The following DMD variants were observed in gnomAD, a reference collection of about 807,000 sequenced individuals.
The protein encoded by DMD is dystrophin.
In DMD, 63 loss-of-function variants were observed where a neutral mutation model predicts 330.1. The ratio of observed to expected loss-of-function variants is 0.19; its 90% confidence interval spans 0.16 to 0.24. The LOEUF is 0.24. Ranked by LOEUF, DMD falls within the 10% of genes least tolerant of loss-of-function variation. The pLI is 1.00. For synonymous variants in DMD, 1,223 were observed against 959.8 expected, an observed-to-expected ratio of 1.27 and a Z score of -5.07; for missense variants, 3,344 against 2,684.1, an observed-to-expected ratio of 1.25 and a Z score of -5.43.
intron 63 of DMD, among the ~76,000 whole-genome samples, chrX:31,259,440 G>A (rs768823488): frequency 1.8e-5 from 2 of 111,690 alleles, no homozygotes; most frequent in Non-Finnish European, 3.8e-5. Flanking sequence ...AAGCATTCAC[G>A]TTTTCCACCT....
chrX:32,342,959 A>G (rs1387163597), intron 40 of DMD, 175 bp downstream of exon 40: 2 of 520,182 alleles, frequency 3.8e-6, no homozygotes, highest in Non-Finnish European at 6.6e-6. Flanking sequence ...CATTACGTCA[A>G]TTGAATAACA....
At chrX:32,667,324 CTT>C (rs1158417145) in intron 9 of DMD, among the ~76,000 whole-genome samples, 4 of 111,548 alleles carry the variant, frequency 3.6e-5, no homozygotes, top group African/African-American at 9.8e-5. Flanking sequence ...GGAACTCACA[CTT>C]TTGTGTGATT....
At chrX:33,197,678 A>C (rs1268966427) in intron 1 of DMD, among the ~76,000 whole-genome samples, 1 of 112,162 alleles carries the variant, frequency 8.9e-6, no homozygotes, top group Non-Finnish European at 1.9e-5. Flanking sequence ...GTTATATACA[A>C]GAAATAACAC....
At position 31,329,925 on chromosome X, in the gene DMD, C is replaced by T. The variant is rs1192161224; in HGVS notation, c.9164-6267G>A. ...GGTGGAGGTTGCAGTCAGCTGAGAT[C>T]GTGCCACTGCACTCCAGCCTGGCGA... On this transcript the variant is annotated intron_variant, in intron 61 of 78. Transcript: ENST00000357033. Among the ~76,000 whole-genome samples the T allele has an allele frequency of 8.0e-5, 7 of 87,484 alleles. No homozygotes were observed. The East Asian group carries it at 2.0e-3, about 25-fold the overall frequency. 76.0% of individuals were successfully genotyped at this position (87,484 alleles called of 115,157 possible).
At chrX:32,465,226 A>C (rs2098397394) in intron 23 of DMD, among the ~76,000 whole-genome samples, 1 of 112,091 alleles carries the variant, frequency 8.9e-6, no homozygotes, top group Non-Finnish European at 1.9e-5. Flanking sequence ...GACCAGTACG[A>C]AGTAATGATC....
At chrX:33,062,475 A>T (rs763125311) in intron 1 of DMD, among the ~76,000 whole-genome samples, 1 of 111,600 alleles carries the variant, frequency 9.0e-6, no homozygotes, top group South Asian at 3.7e-4. Context: ...GTTTTTATTT[A>T]TTTATCTATT....
chrX:32,268,150 T>C (rs1436506586), intron 43 of DMD, among the ~76,000 whole-genome samples: 1 of 110,287 alleles, frequency 9.1e-6, no homozygotes, highest in Non-Finnish European at 1.9e-5. Context: ...CTTGCTAGGG[T>C]AATAATGCCC....
intron 13 of DMD, among the ~76,000 whole-genome samples, chrX:32,576,359 C>A (rs1011046910): frequency 9.0e-6 from 1 of 110,969 alleles, no homozygotes; most frequent in Admixed American, 9.7e-5. Context: ...TAAAGAAAAC[C>A]CTTCACAGTT....
At chrX:32,454,540 A>G in intron 26 of DMD, 122 bp downstream of exon 26, 4 of 541,908 alleles carry the variant, frequency 7.4e-6, no homozygotes, top group Non-Finnish European at 1.1e-5. Context: ...TTAATTAAAA[A>G]TCAACCTCTT....
At chrX:32,731,898 C>G (rs1197102845) in intron 7 of DMD, among the ~76,000 whole-genome samples, 2 of 112,202 alleles carry the variant, frequency 1.8e-5, no homozygotes, top group Non-Finnish European at 3.8e-5. Context: ...AGCAACGGAA[C>G]AAAGCTGGAG....
At chrX:32,562,969 C>A (rs1295702817) in intron 16 of DMD, among the ~76,000 whole-genome samples, 1 of 111,598 alleles carries the variant, frequency 9.0e-6, no homozygotes, top group Non-Finnish European at 1.9e-5. Context: ...TTCTGGAAAA[C>A]AACTTACATG....
At chrX:32,325,023 T>TTATA (rs1182969615) in intron 41 of DMD, among the ~76,000 whole-genome samples, 2 of 111,527 alleles carry the variant, frequency 1.8e-5, no homozygotes, top group Non-Finnish European at 3.8e-5. Context: ...TCTATATACA[T>TTATA]TACCTGGGAA....
intron 2 of DMD, among the ~76,000 whole-genome samples, chrX:32,870,972 A>G (rs545611812): frequency 0.39 from 34,566 of 88,563 alleles, 6,217 homozygotes; most frequent in Admixed American, 0.46. Context: ...AAAAAAAAAA[A>G]AAAAAAAAAA....
intron 44 of DMD, among the ~76,000 whole-genome samples, chrX:32,052,977 G>C (rs193243495): frequency 3.9e-4 from 43 of 111,209 alleles, no homozygotes; most frequent in Admixed American, 3.3e-3. Flanking sequence ...GGGAAGACTT[G>C]GGCAATAAAG....
rs768506415 is a variant in DMD at position 31,877,618 on chromosome X, T to A, written c.6913-2245A>T. ...TGAGATATTGTTCTCTTTGCTTGAT[T>A]TGTGTTTTGTGAGTTCACATCCATA... On this transcript the variant is annotated intron_variant, in intron 47 of 78. Coordinates refer to ENST00000357033, the MANE Select transcript of DMD (RefSeq NM_004006.3). Among the ~76,000 whole-genome samples the A allele has an allele frequency of 6.4e-4, 71 of 111,051 alleles. 1 individual carries two copies. The highest frequency in any genetic ancestry group is 2.2e-3 in the African/African-American group (66 of 30,555).
intron 44 of DMD, among the ~76,000 whole-genome samples, chrX:32,005,870 T>C (rs1263255041): frequency 9.0e-6 from 1 of 111,593 alleles, no homozygotes; most frequent in African/African-American, 3.3e-5. Context: ...GATACCCATA[T>C]ACATGGTACT....
chrX:31,591,474 T>C (rs2076867288), intron 55 of DMD, among the ~76,000 whole-genome samples: 2 of 111,631 alleles, frequency 1.8e-5, no homozygotes, highest in Admixed American at 9.5e-5. Context: ...AAATCTACTA[T>C]AGTGTAATAT....
intron 16 of DMD, among the ~76,000 whole-genome samples, chrX:32,550,456 T>C (rs940269689): frequency 9.0e-6 from 1 of 111,244 alleles, no homozygotes; most frequent in African/African-American, 3.3e-5. Flanking sequence ...TTTAAAAAGA[T>C]GTAACATACC....
intron 48 of DMD, among the ~76,000 whole-genome samples, chrX:31,846,706 G>T (rs1426478245): frequency 9.0e-6 from 1 of 111,067 alleles, no homozygotes; most frequent in Non-Finnish European, 1.9e-5. Context: ...TGTTTCTTGT[G>T]TGCAGCCAAA....
Sources: gnomAD v4.1 joint callset for allele counts (sites outside exome capture counted in the v4.1 genomes callset) on GRCh38, gnomAD v4.1.1 for gene constraint, MANE v1.5 for transcripts, NCBI Gene and HGNC (gene_info 2026-07-23, HGNC 2026-07-21) for gene names.